Variants in EIF4G3 observed in about 807,000 individuals in gnomAD.
EIF4G3 encodes the protein eukaryotic translation initiation factor 4 gamma 3, also known as eIF-4-gamma 3.
Under a neutral mutation model 186.4 loss-of-function variants are expected in EIF4G3, and 34 were observed. That is an observed-to-expected ratio of 0.18 (90% CI 0.14 to 0.24). The LOEUF is 0.24. EIF4G3 is among the 10% of genes least tolerant of loss of function. The pLI is 1.00. For synonymous variants in EIF4G3, 673 were observed against 679.5 expected (o/e 0.99, Z 0.15); for missense variants, 1,536 against 1,948.5 (o/e 0.79, Z 3.99).
rs1557966778 is a variant in EIF4G3 at position 21,101,576 on chromosome 1, C to CAAAAAAAAAA, written c.-271-12364_-271-12363insTTTTTTTTTT. On this transcript the variant is annotated intron_variant, in intron 2 of 36. Coordinates refer to ENST00000602326, the MANE Select transcript of EIF4G3 (RefSeq NM_001391906.1). ...CAGGGTCTCAGGAAAAAAAAAAAAA[C>CAAAAAAAAAA]AACAAAAAAAAACCGAGGGAGGGAG... Among the ~76,000 whole-genome samples the CAAAAAAAAAA allele has an allele frequency of 8.2e-4, 25 of 30,506 alleles. No individual in the cohort carries two copies. In the Admixed American group the frequency reaches 0.01, roughly 12 times the overall value. 20.0% of individuals were successfully genotyped at this position (30,506 alleles called of 152,430 possible).
chr1:21,018,994 G>T (rs1032431810), intron 4 of EIF4G3, among the ~76,000 whole-genome samples: 17 of 151,762 alleles, frequency 1.1e-4, no homozygotes, highest in African/African-American at 4.1e-4. Context: ...CAGAAAGATG[G>T]TAAATTTTGT....
chr1:20,996,406 A>G (rs539487022), intron 7 of EIF4G3, among the ~76,000 whole-genome samples: 1 of 152,284 alleles, frequency 6.6e-6, no homozygotes, highest in African/African-American at 2.4e-5. Flanking sequence ...TTATTTCACT[A>G]TGAAACCCAA....
At chr1:20,902,716 T>C (rs1156475111) in intron 15 of EIF4G3, among the ~76,000 whole-genome samples, 16 of 152,108 alleles carry the variant, frequency 1.1e-4, no homozygotes, top group Admixed American at 8.5e-4. Context: ...TCTTGGCTCA[T>C]TGCAACCTCC....
intron 12 of EIF4G3, among the ~76,000 whole-genome samples, chr1:20,956,824 G>C (rs2096440764): frequency 6.6e-6 from 1 of 151,988 alleles, no homozygotes; most frequent in Admixed American, 6.6e-5. Context: ...CAGGGCTGGT[G>C]AACTCCTGGG....
intron 2 of EIF4G3, among the ~76,000 whole-genome samples, chr1:21,140,627 G>A (rs2097321546): frequency 6.6e-6 from 1 of 152,188 alleles, no homozygotes; most frequent in Non-Finnish European, 1.5e-5. Flanking sequence ...AATTATTTAT[G>A]CAGCAGGTTA....
At chr1:20,929,022 G>A (rs1423647405) in intron 14 of EIF4G3, among the ~76,000 whole-genome samples, 2 of 152,104 alleles carry the variant, frequency 1.3e-5, no homozygotes, top group African/African-American at 4.8e-5. Flanking sequence ...TTAGCGTAAT[G>A]TTTTTAAGGT....
At chr1:21,082,452 G>A (rs1002755662) in intron 3 of EIF4G3, among the ~76,000 whole-genome samples, 2 of 152,026 alleles carry the variant, frequency 1.3e-5, no homozygotes, top group African/African-American at 2.4e-5. Flanking sequence ...CAGGTGTGGT[G>A]GCACGTGCCT....
At chr1:21,008,476 A>G (rs2085978256) in intron 4 of EIF4G3, among the ~76,000 whole-genome samples, 1 of 152,076 alleles carries the variant, frequency 6.6e-6, no homozygotes, top group Admixed American at 6.5e-5. Flanking sequence ...AGCTGGGATT[A>G]CAGATGCATG....
intron 3 of EIF4G3, among the ~76,000 whole-genome samples, chr1:21,070,728 G>C (rs1429090599): frequency 6.6e-6 from 1 of 152,054 alleles, no homozygotes; most frequent in Non-Finnish European, 1.5e-5. Flanking sequence ...ATATAAATTG[G>C]AACCACCCAA....
chr1:21,140,723 T>C (rs2097323120), intron 2 of EIF4G3, among the ~76,000 whole-genome samples: 1 of 152,198 alleles, frequency 6.6e-6, no homozygotes, highest in Non-Finnish European at 1.5e-5. Flanking sequence ...TTGTAAAAAC[T>C]ATACAAAATA....
chr1:20,959,606 A>C (rs1425365963), intron 12 of EIF4G3, among the ~76,000 whole-genome samples: 1 of 151,040 alleles, frequency 6.6e-6, no homozygotes, highest in Admixed American at 6.6e-5. Flanking sequence ...ATAGAGATGC[A>C]AACTACACAT....
At chr1:20,925,426 A>G (rs1271481116) in intron 14 of EIF4G3, among the ~76,000 whole-genome samples, 4 of 152,238 alleles carry the variant, frequency 2.6e-5, no homozygotes, top group African/African-American at 9.6e-5. Flanking sequence ...TACCTGTTGA[A>G]TGAATGACAA....
At chr1:20,998,610 C>T (rs1437021497) in intron 6 of EIF4G3, among the ~76,000 whole-genome samples, 1 of 152,136 alleles carries the variant, frequency 6.6e-6, no homozygotes, top group South Asian at 2.1e-4. Context: ...TCAAACAATT[C>T]ACCAGGCCAA....
intron 14 of EIF4G3, among the ~76,000 whole-genome samples, chr1:20,917,179 A>G (rs1449589226): frequency 6.6e-6 from 1 of 152,210 alleles, no homozygotes; most frequent in African/African-American, 2.4e-5. Flanking sequence ...ATACTCAACA[A>G]CATATATAAA....
chr1:20,970,040 T>G (rs2075511272), intron 11 of EIF4G3, among the ~76,000 whole-genome samples: 1 of 152,046 alleles, frequency 6.6e-6, no homozygotes. Flanking sequence ...CTCGGCTCAC[T>G]GCAATCTCCG....
At chr1:21,061,406 G>A (rs2094906197) in intron 3 of EIF4G3, among the ~76,000 whole-genome samples, 1 of 152,130 alleles carries the variant, frequency 6.6e-6, no homozygotes, top group Admixed American at 6.5e-5. Context: ...TAGACAAAGG[G>A]AAAGGGATAA....
chr1:21,143,346 A>T (rs2097373807), intron 2 of EIF4G3, among the ~76,000 whole-genome samples: 1 of 151,820 alleles, frequency 6.6e-6, no homozygotes, highest in Non-Finnish European at 1.5e-5. Context: ...GAAGAAGGAG[A>T]AGAAGGAGAA....
intron 4 of EIF4G3, among the ~76,000 whole-genome samples, chr1:21,040,012 T>C (rs946858710): frequency 5.3e-5 from 8 of 152,248 alleles, no homozygotes; most frequent in African/African-American, 1.9e-4. Flanking sequence ...AGTGATATTA[T>C]GAAATACATA....
intron 14 of EIF4G3, among the ~76,000 whole-genome samples, chr1:20,937,941 T>C (rs955121870): frequency 6.6e-6 from 1 of 152,148 alleles, no homozygotes; most frequent in Non-Finnish European, 1.5e-5. Context: ...ACTGAAGATA[T>C]ATACACACCA....
Sources: allele counts gnomAD v4.1 joint callset (sites outside exome capture counted in the v4.1 genomes callset), GRCh38; gene constraint gnomAD v4.1.1; transcripts MANE v1.5; gene names NCBI Gene and HGNC (gene_info 2026-07-23, HGNC 2026-07-21).